The following COMMD10 variants were observed in gnomAD, a reference collection of about 807,000 sequenced individuals.
COMMD10 encodes the protein COMM domain containing 10.
Under a neutral mutation model 28.9 loss-of-function variants are expected in COMMD10, and 33 were observed. The observed-to-expected ratio is 1.14, with a 90% CI of 0.87 to 1.53. The LOEUF is 1.53. COMMD10 is among the 40% of genes most tolerant of loss of function. COMMD10 has a pLI of 0.00. For missense variants in COMMD10, 310 were observed against 233.4 expected (o/e 1.33, Z -2.14); for synonymous variants, 110 against 81.7 (o/e 1.35, Z -1.87).
At chr5:116,106,381 G>C (rs1750839916) in intron 4 of COMMD10, among the ~76,000 whole-genome samples, 1 of 152,160 alleles carries the variant, frequency 6.6e-6, no homozygotes, top group Non-Finnish European at 1.5e-5. Context: ...TTTTGCATTT[G>C]CTGAGGAGTG....
At chr5:116,202,849 C>T (rs141643269) in intron 5 of COMMD10, among the ~76,000 whole-genome samples, 32,685 of 151,242 alleles carry the variant, frequency 0.22, 4,366 homozygotes, top group African/African-American at 0.37. Context: ...CTGTTCACTC[C>T]GATGGTAGTT....
chr5:116,133,767 A>G (rs150844956), intron 4 of COMMD10, among the ~76,000 whole-genome samples: 1 of 152,236 alleles, frequency 6.6e-6, no homozygotes, highest in South Asian at 2.1e-4. Context: ...ACTATTTAAT[A>G]TTTAAAAACC....
At chr5:116,165,225 G>A (rs1405588141) in intron 5 of COMMD10, among the ~76,000 whole-genome samples, 3 of 152,172 alleles carry the variant, frequency 2.0e-5, no homozygotes, top group Admixed American at 2.0e-4. Flanking sequence ...ATGGTGAAAA[G>A]CATACCTCAG....
chr5:116,203,836 G>T (rs1048455887), intron 5 of COMMD10, among the ~76,000 whole-genome samples: 7 of 151,178 alleles, frequency 4.6e-5, no homozygotes, highest in African/African-American at 4.8e-5. Flanking sequence ...CATCAACTAA[G>T]GAGCACAATA....
intron 5 of COMMD10, among the ~76,000 whole-genome samples, chr5:116,271,182 A>G (rs1750742051): frequency 1.4e-5 from 2 of 147,842 alleles, no homozygotes; most frequent in South Asian, 2.1e-4. Flanking sequence ...CTCTCTGTAC[A>G]GGTTTTGTTT....
chr5:116,192,833 A>C (rs1457884041), intron 5 of COMMD10, among the ~76,000 whole-genome samples: 1 of 152,210 alleles, frequency 6.6e-6, no homozygotes, highest in Non-Finnish European at 1.5e-5. Context: ...GAAATTTATC[A>C]CAAAGAGATC....
intron 5 of COMMD10, among the ~76,000 whole-genome samples, chr5:116,233,640 G>A (rs1044669425): frequency 3.3e-5 from 5 of 152,178 alleles, no homozygotes; most frequent in Non-Finnish European, 1.5e-5. Context: ...AGATTTGAAA[G>A]ATGTGAGAGG....
intron 4 of COMMD10, among the ~76,000 whole-genome samples, chr5:116,132,114 G>C (rs1751881216): frequency 1.3e-5 from 2 of 152,008 alleles, no homozygotes; most frequent in Admixed American, 1.3e-4. Context: ...TATTGTGATA[G>C]TCTGGGAATA....
At chr5:116,162,894 T>C (rs1323093956) in intron 5 of COMMD10, among the ~76,000 whole-genome samples, 1 of 152,140 alleles carries the variant, frequency 6.6e-6, no homozygotes, top group East Asian at 1.9e-4. Context: ...TATCAGATAT[T>C]CAGAGCCCTA....
At chr5:116,233,160 A>G (rs575771064) in intron 5 of COMMD10, among the ~76,000 whole-genome samples, 5 of 152,250 alleles carry the variant, frequency 3.3e-5, no homozygotes, top group Non-Finnish European at 7.4e-5. Context: ...ACCTTTGGTT[A>G]ACTGTGGTCT....
At chr5:116,149,253 C>T (rs1276848340) in intron 5 of COMMD10, among the ~76,000 whole-genome samples, 1 of 143,956 alleles carries the variant, frequency 6.9e-6, no homozygotes, top group Non-Finnish European at 1.5e-5. Flanking sequence ...TCCAGTCTAT[C>T]ATTGTTGGAC....
chr5:116,131,194 C>T (rs1397594797), intron 4 of COMMD10, among the ~76,000 whole-genome samples: 1 of 151,802 alleles, frequency 6.6e-6, no homozygotes. Flanking sequence ...ATGAGAATAT[C>T]GAGGCCCAAA....
intron 4 of COMMD10, among the ~76,000 whole-genome samples, chr5:116,123,176 A>G: frequency 6.6e-6 from 1 of 152,112 alleles, no homozygotes; most frequent in East Asian, 1.9e-4. Flanking sequence ...AATACCATCA[A>G]TACCTAGTTT....
intron 4 of COMMD10, among the ~76,000 whole-genome samples, chr5:116,104,918 C>G (rs954168542): frequency 1.3e-5 from 2 of 152,172 alleles, no homozygotes; most frequent in African/African-American, 4.8e-5. Context: ...CGCACCCAGC[C>G]TCCTCTTTTC....
At chr5:116,267,088 T>C (rs929357856) in intron 5 of COMMD10, among the ~76,000 whole-genome samples, 1 of 151,812 alleles carries the variant, frequency 6.6e-6, no homozygotes. Flanking sequence ...TATTGGAAAT[T>C]CTGGCCAGGG....
At chr5:116,183,812 A>T (rs146208607) in intron 5 of COMMD10, among the ~76,000 whole-genome samples, 1 of 152,102 alleles carries the variant, frequency 6.6e-6, no homozygotes, top group African/African-American at 2.4e-5. Flanking sequence ...AAATGTCTCT[A>T]CTGTGACCAT....
At chr5:116,275,395 T>C (rs947648425) in intron 5 of COMMD10, among the ~76,000 whole-genome samples, 1 of 151,824 alleles carries the variant, frequency 6.6e-6, no homozygotes. Context: ...AGATTAGATA[T>C]CAGTTCTACT....
intron 5 of COMMD10, among the ~76,000 whole-genome samples, chr5:116,245,205 A>T (rs966853236): frequency 1.3e-5 from 2 of 152,240 alleles, no homozygotes; most frequent in Admixed American, 1.3e-4. Context: ...CCATCGGAGG[A>T]TATTATGAAT....
intron 5 of COMMD10, among the ~76,000 whole-genome samples, chr5:116,153,352 TA>T (rs1420754410): frequency 1.3e-5 from 2 of 152,084 alleles, no homozygotes; most frequent in East Asian, 1.9e-4. Context: ...TAATATTATA[TA>T]AAATTTGTGA....
Sources: gnomAD v4.1 joint callset for allele counts (sites outside exome capture counted in the v4.1 genomes callset) on GRCh38, gnomAD v4.1.1 for gene constraint, MANE v1.5 for transcripts, NCBI Gene and HGNC (gene_info 2026-07-23, HGNC 2026-07-21) for gene names.